LUC7L: variants seen among roughly 807,000 people sequenced by gnomAD.
LUC7L encodes LUC7 like.
A neutral mutation model predicts 51.1 loss-of-function variants in LUC7L; 29 were observed. The ratio of observed to expected loss-of-function variants is 0.57; its 90% CI spans 0.42 to 0.77. LUC7L has a LOEUF of 0.77. Ranked by LOEUF, LUC7L falls within the 30% of genes least tolerant of loss-of-function variation. LUC7L has a pLI of 0.00. For synonymous variants in LUC7L, 181 were observed against 180.7 expected (o/e 1.00, Z -0.01); for missense variants, 403 against 511.9 (o/e 0.79, Z 2.05).
rs150035770 is a variant in LUC7L, at chr16:195,518, G to C, written c.688-2503C>G. Among the ~76,000 whole-genome samples the C allele has an allele frequency of 1.2e-3, 176 of 152,234 alleles. No homozygotes were observed. The East Asian group carries it at 0.029, about 25-fold the overall frequency. ...AGTTCACTGCAGCCTTGAGCTCCAA[G>C]GTCCAAACAATCCTCTTACCTCAGC... On this transcript the variant is annotated intron_variant, in intron 6 of 9. Coordinates refer to ENST00000293872, the MANE Select transcript of LUC7L (RefSeq NM_201412.3).
At chr16:224,443 C>T (rs778162894) in intron 2 of LUC7L, among the ~76,000 whole-genome samples, 8 of 150,678 alleles carry the variant, frequency 5.3e-5, no homozygotes, top group South Asian at 4.2e-4. Context: ...TGCTTGAGCC[C>T]GGGAGGCGGA....
At chr16:189,877 AT>A in intron 9 of LUC7L, 90 bp downstream of exon 9, 2 of 1,534,280 alleles carry the variant, frequency 1.3e-6, no homozygotes, top group South Asian at 2.5e-5. Flanking sequence ...GCCCAGCCCC[AT>A]CCCCACCAGA....
At chr16:228,142 A>G in intron 1 of LUC7L, 1 of 1,140,298 alleles carries the variant, frequency 8.8e-7, no homozygotes, top group Non-Finnish European at 1.1e-6. Flanking sequence ...TTTTAAAGCT[A>G]GTCTGTGTAT....
chr16:196,647 C>T (rs1413139794), intron 6 of LUC7L, among the ~76,000 whole-genome samples: 1 of 151,516 alleles, frequency 6.6e-6, no homozygotes, highest in African/African-American at 2.4e-5. Flanking sequence ...CCTGCCTCAG[C>T]CTGCCAAGTA....
intron 1 of LUC7L, chr16:228,799 G>A (rs1296371519): frequency 3.1e-6 from 4 of 1,288,306 alleles, no homozygotes; most frequent in East Asian, 1.1e-4. Flanking sequence ...CGTTAGAAAA[G>A]CTCAGTTTAC....
chr16:208,787 G>A (rs2049555847), intron 3 of LUC7L: 1 of 192,328 alleles, frequency 5.2e-6, no homozygotes, highest in East Asian at 1.9e-4. Context: ...AGGAAAAGAA[G>A]CTGTAGACGT....
At chr16:208,228 T>G (rs778889930) in intron 3 of LUC7L, 40 bp from the exon 4 acceptor site, 1 of 1,427,240 alleles carries the variant, frequency 7.0e-7, no homozygotes, top group Non-Finnish European at 9.9e-7. Context: ...CAATGATGTG[T>G]AAAGCGTAAA....
intron 5 of LUC7L, 83 bp downstream of exon 5, chr16:205,921 A>C: frequency 2.0e-6 from 3 of 1,484,304 alleles, no homozygotes; most frequent in Non-Finnish European, 1.8e-6. Flanking sequence ...AAATGGGAGC[A>C]AGCATGGGCT....
At chr16:204,264 T>C (rs1005020088) in intron 5 of LUC7L, among the ~76,000 whole-genome samples, 16 of 140,612 alleles carry the variant, frequency 1.1e-4, no homozygotes, top group Admixed American at 7.5e-5. Context: ...GCCAACACGG[T>C]GAAACCCCAT....
chr16:225,408 C>T (rs1201452518), intron 2 of LUC7L, among the ~76,000 whole-genome samples: 1 of 151,230 alleles, frequency 6.6e-6, no homozygotes, highest in Admixed American at 6.6e-5. Flanking sequence ...ATGGCTTGAA[C>T]CTGGGAGGCA....
intron 3 of LUC7L, among the ~76,000 whole-genome samples, chr16:213,850 G>T (rs920610500): frequency 3.9e-5 from 6 of 152,030 alleles, no homozygotes; most frequent in Non-Finnish European, 8.8e-5. Flanking sequence ...AAGTAGCTGG[G>T]ATTACAGGTG....
At chr16:202,750 G>A (rs963746910) in intron 5 of LUC7L, among the ~76,000 whole-genome samples, 1 of 152,104 alleles carries the variant, frequency 6.6e-6, no homozygotes, top group Non-Finnish European at 1.5e-5. Context: ...TGAAAGACAG[G>A]ACATCATTAC....
intron 1 of LUC7L, chr16:228,685 A>C (rs2050187147): frequency 8.3e-7 from 1 of 1,199,270 alleles, no homozygotes; most frequent in Non-Finnish European, 1.1e-6. Context: ...GCTCCTCCCT[A>C]CACAGTACAA....
chr16:189,832 C>A (rs745819326), intron 9 of LUC7L, 136 bp downstream of exon 9: 14 of 1,451,784 alleles, frequency 9.6e-6, no homozygotes, highest in Non-Finnish European at 1.3e-5. Flanking sequence ...ACCTGAGTCC[C>A]GTTCACGACT....
chr16:200,890 A>G (rs888428341), intron 5 of LUC7L, among the ~76,000 whole-genome samples: 6 of 152,066 alleles, frequency 3.9e-5, no homozygotes, highest in African/African-American at 1.2e-4. Flanking sequence ...ACCCTCTAAT[A>G]TTAAAAAAAA....
intron 2 of LUC7L, among the ~76,000 whole-genome samples, chr16:223,558 G>A (rs1413118134): frequency 3.3e-5 from 5 of 152,126 alleles, no homozygotes; most frequent in Admixed American, 1.3e-4. Context: ...CTCACGTTAT[G>A]GTCGGTTACA....
rs1231373861 is a variant in LUC7L, at chr16:190,147, G to A, written c.807-12C>T. ...CCCGGGAGCGTGACCTGAACAATCA[G>A]AAGGCTCCAAGGCTGAGACTCTATA... On this transcript the variant is annotated splice_polypyrimidine_tract_variant and intron_variant, in intron 8 of 9. Coordinates refer to ENST00000293872, the MANE Select transcript of LUC7L (RefSeq NM_201412.3). 1.2e-6 allele frequency: 2 copies of A among 1,606,992 alleles called. No homozygotes were observed. Among genetic ancestry groups the A allele is most frequent in the East Asian group, 2.2e-5 (1 of 44,840 alleles).
At chr16:197,157 C>T (rs540988407) in intron 6 of LUC7L, among the ~76,000 whole-genome samples, 97 of 149,752 alleles carry the variant, frequency 6.5e-4, no homozygotes, top group African/African-American at 2.1e-3. Flanking sequence ...CTGCCCGCCT[C>T]GGCCTCCCAA....
At chr16:226,734 G>C (rs1295340078) in intron 2 of LUC7L, among the ~76,000 whole-genome samples, 1 of 152,196 alleles carries the variant, frequency 6.6e-6, no homozygotes, top group East Asian at 1.9e-4. Context: ...TTTTGCTACA[G>C]CCAAATTAGA....
Sources: allele counts gnomAD v4.1 joint callset (sites outside exome capture counted in the v4.1 genomes callset), GRCh38; gene constraint gnomAD v4.1.1; transcripts MANE v1.5; gene names NCBI Gene and HGNC (gene_info 2026-07-23, HGNC 2026-07-21).